Variants in ARHGAP8 observed in about 807,000 individuals in gnomAD.
ARHGAP8 encodes rho GTPase-activating protein 8.
Under a neutral mutation model 46.1 loss-of-function variants are expected in ARHGAP8, and 62 were observed. The observed-to-expected ratio is 1.34, with a 90% CI of 1.10 to 1.66. The LOEUF is 1.66. Ranked by LOEUF, ARHGAP8 falls within the 40% of genes most tolerant of loss-of-function variation. The pLI is 0.00. For missense variants in ARHGAP8, 923 were observed against 568.4 expected (o/e 1.62, Z -6.34); for synonymous variants, 375 against 243.1 (o/e 1.54, Z -5.05).
At chr22:44,817,497 T>C (rs932671042) in intron 5 of ARHGAP8, among the ~76,000 whole-genome samples, 6 of 152,196 alleles carry the variant, frequency 3.9e-5, no homozygotes, top group African/African-American at 1.4e-4. Context: ...AGTCCTGTCA[T>C]TTACCTTAGA....
intron 4 of ARHGAP8, 57 bp downstream of exon 4, chr22:44,808,495 G>A: frequency 6.3e-7 from 1 of 1,597,540 alleles, no homozygotes; most frequent in Non-Finnish European, 8.5e-7. Context: ...GCAGGAGGAG[G>A]CATTGTGGCC....
chr22:44,806,165 T>C (rs1928906237), intron 3 of ARHGAP8, among the ~76,000 whole-genome samples: 1 of 152,188 alleles, frequency 6.6e-6, no homozygotes. Flanking sequence ...GAGTTCTCAG[T>C]GGTTCGTGGA....
intron 11 of ARHGAP8, among the ~76,000 whole-genome samples, chr22:44,861,654 C>T (rs1271070384): frequency 1.3e-5 from 2 of 152,168 alleles, no homozygotes; most frequent in Admixed American, 1.3e-4. Flanking sequence ...GAGCAGAGAA[C>T]AGGCCCTGCC....
At chr22:44,804,619 C>A (rs1443414761) in intron 3 of ARHGAP8, among the ~76,000 whole-genome samples, 3 of 152,162 alleles carry the variant, frequency 2.0e-5, no homozygotes, top group African/African-American at 7.2e-5. Context: ...AGGACGTGAC[C>A]CTGGCGGGGA....
intron 10 of ARHGAP8, among the ~76,000 whole-genome samples, chr22:44,858,533 C>CTTT (rs10700242): frequency 0.24 from 21,108 of 89,298 alleles, 3,189 homozygotes; most frequent in Admixed American, 0.29. Context: ...CCATACCCGG[C>CTTT]TTTTTTTTTT....
intron 1 of ARHGAP8, 77 bp from the exon 2 acceptor site, chr22:44,786,379 TG>T: frequency 1.3e-6 from 2 of 1,509,522 alleles, no homozygotes; most frequent in South Asian, 2.6e-5. Flanking sequence ...GACTGTCTTA[TG>T]AAAGGCATCA....
rs920962070 is a variant in ARHGAP8 at position 44,862,737 on chromosome 22, C to G, written c.*142C>G. On this transcript the variant is annotated 3_prime_UTR_variant, in exon 12 of 12. Coordinates refer to ENST00000356099, the MANE Select transcript of ARHGAP8 (RefSeq NM_181335.3). ...TAATGAAAACTCCATGCCTCTGGTC[C>G]TTGGACTCTTGTCCATGGTTCCTGA... 5.0e-6 allele frequency: 5 copies of G among 994,346 alleles called. No individual in the cohort carries two copies. The highest frequency in any genetic ancestry group is 6.0e-5 in the Admixed American group (2 of 33,496). 61.6% of individuals were successfully genotyped at this position (994,346 alleles called of 1,614,324 possible). A position where few individuals can be genotyped will look rare whatever the true frequency, so the allele number is the denominator to read the frequency against.
At chr22:44,862,241 T>C in intron 11 of ARHGAP8, 34 bp from the exon 12 acceptor site, 3 of 1,557,156 alleles carry the variant, frequency 1.9e-6, no homozygotes, top group Non-Finnish European at 2.6e-6. Flanking sequence ...CCCTTGGTGT[T>C]CACTCCCCTT....
chr22:44,786,247 G>A (rs1927216855), intron 1 of ARHGAP8: 1 of 672,510 alleles, frequency 1.5e-6, no homozygotes, highest in East Asian at 2.7e-5. Flanking sequence ...CTCGGCTGAG[G>A]GAGGGCGCGT....
At chr22:44,772,802 T>C (rs1926131051) in intron 1 of ARHGAP8, among the ~76,000 whole-genome samples, 1 of 143,236 alleles carries the variant, frequency 7.0e-6, no homozygotes, top group African/African-American at 2.5e-5. Context: ...TTATTTTCTC[T>C]CTCCCACTTT....
At chr22:44,773,385 T>C (rs991212382) in intron 1 of ARHGAP8, among the ~76,000 whole-genome samples, 2 of 152,246 alleles carry the variant, frequency 1.3e-5, no homozygotes, top group Admixed American at 1.3e-4. Flanking sequence ...TAAACTTTAC[T>C]GTGTTCTGAT....
intron 7 of ARHGAP8, among the ~76,000 whole-genome samples, chr22:44,840,285 C>G (rs1433677737): frequency 2.0e-5 from 3 of 152,206 alleles, no homozygotes; most frequent in Non-Finnish European, 2.9e-5. Flanking sequence ...GTCCTGAAAT[C>G]AGGATCTCGG....
intron 3 of ARHGAP8, among the ~76,000 whole-genome samples, chr22:44,803,843 C>T (rs1216387730): frequency 6.7e-6 from 1 of 149,656 alleles, no homozygotes; most frequent in Non-Finnish European, 1.5e-5. Context: ...ACCTCTTGTG[C>T]ACACGCTTCT....
chr22:44,846,607 T>C lies in ARHGAP8; in HGVS notation c.670+1265T>C, dbSNP rs569306659. ...AGGCCTGCCTGTCCCCGGCCTGGACTGCCCCTCCTTGCCCTCTACCGGTTA... is the reference window on the plus strand; with the variant it reads ...AGGCCTGCCTGTCCCCGGCCTGGACCGCCCCTCCTTGCCCTCTACCGGTTA... On this transcript the variant is annotated intron_variant, in intron 8 of 11. Transcript: ENST00000356099. Among the ~76,000 whole-genome samples the C allele has an allele frequency of 7.2e-5, 11 of 152,292 alleles. No homozygotes were observed. In the East Asian group the frequency reaches 2.1e-3, roughly 30 times the overall value.
intron 5 of ARHGAP8, among the ~76,000 whole-genome samples, chr22:44,816,126 A>G (rs1424753232): frequency 6.6e-6 from 1 of 150,604 alleles, no homozygotes; most frequent in Admixed American, 6.6e-5. Flanking sequence ...GGCCTTTGCC[A>G]TCTCCCCCCT....
intron 10 of ARHGAP8, among the ~76,000 whole-genome samples, chr22:44,859,263 T>C (rs910691857): frequency 2.0e-5 from 3 of 152,112 alleles, no homozygotes; most frequent in African/African-American, 4.8e-5. Flanking sequence ...TGGCAGGTGA[T>C]TGGATCATGA....
At chr22:44,834,099 C>T (rs1355150690) in intron 7 of ARHGAP8, among the ~76,000 whole-genome samples, 4 of 152,006 alleles carry the variant, frequency 2.6e-5, no homozygotes, top group African/African-American at 7.2e-5. Context: ...AAGGAGTCAA[C>T]TTTTGGTTTT....
intron 1 of ARHGAP8, among the ~76,000 whole-genome samples, chr22:44,755,950 T>C (rs988001629): frequency 1.3e-5 from 2 of 152,160 alleles, no homozygotes; most frequent in African/African-American, 2.4e-5. Flanking sequence ...CATAGGACCA[T>C]TAGGAGAACT....
At chr22:44,816,677 C>T (rs749104846) in intron 5 of ARHGAP8, among the ~76,000 whole-genome samples, 3 of 151,796 alleles carry the variant, frequency 2.0e-5, no homozygotes, top group African/African-American at 4.8e-5. Context: ...GTGTAGCATG[C>T]GCCTGTGGTC....
Sources: allele counts gnomAD v4.1 joint callset (sites outside exome capture counted in the v4.1 genomes callset), GRCh38; gene constraint gnomAD v4.1.1; transcripts MANE v1.5; gene names NCBI Gene and HGNC (gene_info 2026-07-23, HGNC 2026-07-21).